TRAPPC14: variants seen among roughly 807,000 people sequenced by gnomAD.
The protein encoded by TRAPPC14 is trafficking protein particle complex subunit 14.
In TRAPPC14, 24 loss-of-function variants were observed where a neutral mutation model predicts 56.6. The observed-to-expected ratio is 0.42, with a 90% CI of 0.31 to 0.60. TRAPPC14 has a LOEUF of 0.60. Among genes scored for constraint, TRAPPC14 ranks in the 20% least tolerant of loss-of-function variants. The probability of loss-of-function intolerance (pLI) is 0.14; values close to 1 mark genes in which losing one functional copy is unlikely to be tolerated. For missense variants in TRAPPC14, 615 were observed against 790.3 expected (o/e 0.78, Z 2.66); for synonymous variants, 377 against 347.0 (o/e 1.09, Z -0.96).
chr7:100,157,737 T>A lies in TRAPPC14; in HGVS notation c.533A>T (p.Glu178Val). The stretch of plus-strand genomic sequence containing the variant: ...ATCTCTGACCTCTGGTGCCTCAATC[T>A]CCCGCTTCCACACAGTCACTACAAT... ...AKIVVTVWKR[E>V]IEAPEVRDQG... Residue 178 changes from glutamate (E) to valine (V), a missense_variant, in exon 3 of 11, where the codon GAG becomes GTG. By Grantham distance (121) the Glu-to-Val change is moderately radical. Transcript: ENST00000316937. 1 of 1,614,098 alleles carries A rather than the reference T, an allele frequency of 6.2e-7. No homozygotes were observed. The highest frequency in any genetic ancestry group is 8.5e-7 in the Non-Finnish European group (1 of 1,180,016).
At position 100,155,120 on chromosome 7, in the gene TRAPPC14, G is replaced by A; in HGVS notation, c.1634C>T (p.Ala545Val). The A allele has an allele frequency of 6.2e-7, 1 of 1,613,634 alleles. No homozygotes were observed. The highest frequency in any genetic ancestry group is 8.5e-7 in the Non-Finnish European group (1 of 1,179,730). The change falls in exon 11 of 11, where the codon GCC becomes GTC. Residue 545 changes from alanine to valine, a missense_variant. Transcript: ENST00000316937. ...GTAGAGGGGGCGGCCAACAGGAGAGGCCACAGGGGGCGTGATGGCTCTGCG... is the reference window on the plus strand; with the variant it reads ...GTAGAGGGGGCGGCCAACAGGAGAGACCACAGGGGGCGTGATGGCTCTGCG... The part of the protein sequence containing the change: ...MERRAITPPV[A>V]SPVGRPLYLP...
chr7:100,156,829 AG>A lies in TRAPPC14; in HGVS notation c.993+15del, dbSNP rs1798890669. 2 of 1,613,672 alleles carry A rather than the reference AG, an allele frequency of 1.2e-6. No individual in the cohort carries two copies. Among genetic ancestry groups the A allele is most frequent in the African/African-American group, 2.7e-5 (2 of 74,982 alleles). ...CTTATCACTTTTCTTTGAACACACC[AG>A]CCCCTTATGCTCACCTCCTTGGCCC... On this transcript the variant is annotated intron_variant, in intron 6 of 10. Transcript: ENST00000316937.
At chr7:100,157,800 G>A (rs925335777) in intron 2 of TRAPPC14, 38 bp from the exon 3 acceptor site, 1 of 1,614,018 alleles carries the variant, frequency 6.2e-7, no homozygotes, top group African/African-American at 1.3e-5. Flanking sequence ...GCCCGGAAAA[G>A]GTGTCTGAAT....
Position 100,157,658 on chromosome 7 carries a change from G to A in TRAPPC14, c.612C>T (p.Gly204=). 6.2e-7 allele frequency: 1 copy of A among 1,614,192 alleles called. No homozygotes were observed. Among genetic ancestry groups the A allele is most frequent in the Non-Finnish European group, 8.5e-7 (1 of 1,180,036 alleles). Residue 204 remains glycine, a synonymous_variant, in exon 3 of 11, where the codon GGC becomes GGT. Coordinates refer to ENST00000316937, the MANE Select transcript of TRAPPC14 (RefSeq NM_018275.5). The part of the protein sequence containing the change: ...QTRSPGETFR[G]EQSAFKAQVS... Reference sequence around the variant, plus strand: ...CTTGGGCCTTGAAAGCGCTCTGCTCGCCCCGGAATGTCTCCCCAGGAGATC... The same window carrying A: ...CTTGGGCCTTGAAAGCGCTCTGCTCACCCCGGAATGTCTCCCCAGGAGATC...
At position 100,156,039 on chromosome 7, in the gene TRAPPC14, C is replaced by T. The variant is rs965169107; in HGVS notation, c.1241-214G>A. On this transcript the variant is annotated intron_variant, in intron 8 of 10. Coordinates refer to ENST00000316937, the MANE Select transcript of TRAPPC14 (RefSeq NM_018275.5). ...CTCAGTATCTGCATGACAGCCCCAT[C>T]AGATATGAGTTGCTCTATTTTAAAG... 3 of 733,702 alleles carry T rather than the reference C, an allele frequency of 4.1e-6. No individual in the cohort carries two copies. The African/African-American group carries it at 5.1e-5, about 13-fold the overall frequency. The allele number at this position is 733,702 out of a possible 1,614,324, so 45.4% of individuals were successfully genotyped here. A position where few individuals can be genotyped will look rare whatever the true frequency, so the allele number is the denominator to read the frequency against.
chr7:100,158,543 G>T lies in TRAPPC14; in HGVS notation c.-44C>A. On this transcript the variant is annotated 5_prime_UTR_variant, in exon 1 of 11. Coordinates refer to ENST00000316937, the MANE Select transcript of TRAPPC14 (RefSeq NM_018275.5). ...CGACTGGGAGCCCGGACCGGAGGCC[G>T]ACCGCCGGCGGGGCCCGCTAGGGTG... The T allele has an allele frequency of 7.7e-7, 1 of 1,302,088 alleles. No homozygotes were observed. The highest frequency in any genetic ancestry group is 2.3e-5 in the South Asian group (1 of 43,850). The allele number at this position is 1,302,088 out of a possible 1,614,324, so 80.7% of individuals were successfully genotyped here.
At chr7:100,156,242 ACAGGGCGGAAGC>A in intron 8 of TRAPPC14, 132 bp downstream of exon 8, 1 of 745,078 alleles carries the variant, frequency 1.3e-6, no homozygotes, top group Non-Finnish European at 2.2e-6. Context: ...CCACCCAGGT[ACAGGGCGGAAGC>A]CACCTGCCAC....
In TRAPPC14 at chr7:100,155,027, A is replaced by G. The variant is rs1798845955; in HGVS notation, c.1727T>C (p.Val576Ala). 1 of 1,614,030 alleles carries G rather than the reference A, an allele frequency of 6.2e-7. No individual in the cohort carries two copies. The highest frequency in any genetic ancestry group is 8.5e-7 in the Non-Finnish European group (1 of 1,179,986). The change falls in exon 11 of 11, where the codon GTG (valine) becomes GCG (alanine). Residue 576 changes from valine (V) to alanine (A), a missense_variant. Physicochemically the swap from Val to Ala is moderately conservative, Grantham distance 64 (BLOSUM62 0). Transcript: ENST00000316937. ...IAKRECKVLV[V>A]EPVK ...GGCACGGTGCTACTTGACGGGTTCC[A>G]CCACCAGGACCTTGCACTCGCGCTT...
At chr7:100,157,820 A>G (rs1341231424) in intron 2 of TRAPPC14, 23 bp downstream of exon 2, 1 of 1,612,802 alleles carries the variant, frequency 6.2e-7, no homozygotes, top group South Asian at 1.1e-5. Context: ...TTAGGACAAT[A>G]GCTCCACTCT....
At position 100,156,473 on chromosome 7, in the gene TRAPPC14, G is replaced by A. The variant is rs145617676; in HGVS notation, c.1153C>T (p.Arg385Cys). Residue 385 changes from arginine (R) to cysteine (C), a missense_variant, in exon 8 of 11, where the codon CGT (arginine) becomes TGT (cysteine). Transcript: ENST00000316937. ...AGCAGCGTGTAGGTGACAGTGAAAC[G>A]CTCGTAGGTCCGAACAGGGGACTTA... is the stretch of plus-strand genomic sequence containing the variant. ...SCKSPVRTYERFTVTYTLLNN... is the reference protein window; with the variant it reads ...SCKSPVRTYECFTVTYTLLNN... 4.3e-6 allele frequency: 7 copies of A among 1,613,992 alleles called. 1 individual carries two copies. The highest frequency in any genetic ancestry group is 1.7e-5 in the Admixed American group (1 of 59,996).
Position 100,157,360 on chromosome 7 carries a change from C to A in TRAPPC14, c.724+13G>T. The stretch of plus-strand genomic sequence containing the variant: ...TGTTGCTCCCGGAGGCTGGAGCCGG[C>A]AGCCCTGCTTACCCTTGAGCACGGT... On this transcript the variant is annotated intron_variant, in intron 4 of 10. Transcript: ENST00000316937. The A allele has an allele frequency of 6.2e-7, 1 of 1,613,750 alleles. No homozygotes were observed. The highest frequency in any genetic ancestry group is 1.3e-5 in the African/African-American group (1 of 75,060).
Position 100,157,231 on chromosome 7 carries a change from G to C in TRAPPC14, c.725-17C>G. 2.5e-6 allele frequency: 4 copies of C among 1,614,112 alleles called. No individual in the cohort carries two copies. The highest frequency in any genetic ancestry group is 3.4e-6 in the Non-Finnish European group (4 of 1,180,018). ...TGTTCAGCACTGTGGGAGAGGACCA[G>C]CTTGGCTCAGAATAGCTGGACCCCT... On this transcript the variant is annotated splice_polypyrimidine_tract_variant and intron_variant, in intron 4 of 10. Coordinates refer to ENST00000316937, the MANE Select transcript of TRAPPC14 (RefSeq NM_018275.5).
rs999158566 is a variant in TRAPPC14, at chr7:100,158,356, C to G, written c.144G>C (p.Leu48=). ...CCGCACCGCCCCGGCAGCGCAACAC[C>G]AGCAGAAAACGGACAGTCTCCCCCA... ...LYLGETVRFL[L]VLRCRGGAGS... Residue 48 remains leucine (L), a synonymous_variant, in exon 1 of 11, where the codon CTG becomes CTC. Transcript: ENST00000316937. 3.4e-6 allele frequency: 5 copies of G among 1,487,820 alleles called. No individual in the cohort carries two copies. The highest frequency in any genetic ancestry group is 4.5e-6 in the Non-Finnish European group (5 of 1,122,146). 92.2% of individuals were successfully genotyped at this position (1,487,820 alleles called of 1,614,324 possible).
rs1486790355 is a variant in TRAPPC14, at chr7:100,155,820, G to C, written c.1246C>G (p.Gln416Glu). ...GCCCGGCGCTCCTCCTCACACAGCT[G>C]CTTTCCTGGGGGCAGAAACAGGGAC... ...WTPEHAQAGK[Q>E]LCEEERRAMQ... is the part of the protein sequence containing the mutation. Residue 416 changes from glutamine to glutamate, a missense_variant, in exon 9 of 11, where the codon CAG becomes GAG. By Grantham distance (29) the Gln-to-Glu change is conservative (BLOSUM62 2). Coordinates refer to ENST00000316937, the MANE Select transcript of TRAPPC14 (RefSeq NM_018275.5). 10 of 1,614,088 alleles carry C rather than the reference G, an allele frequency of 6.2e-6. No homozygotes were observed. Among genetic ancestry groups the C allele is most frequent in the African/African-American group, 1.3e-5 (1 of 74,930 alleles).
In TRAPPC14 at chr7:100,156,855, C is replaced by T. The variant is rs187646617; in HGVS notation, c.983G>A (p.Gly328Glu). 4 of 1,614,060 alleles carry T rather than the reference C, an allele frequency of 2.5e-6. No homozygotes were observed. Among genetic ancestry groups the T allele is most frequent in the Admixed American group, 1.7e-5 (1 of 60,010 alleles). ...QLRGGEQPPP[G>E]AKEGLEVPLI... ...GCCCCTTATGCTCACCTCCTTGGCC[C>T]CTGGAGGGGGCTGCTCACCCCCTCT... Residue 328 changes from glycine to glutamate, a missense_variant, in exon 6 of 11, where the codon GGG (glycine) becomes GAG (glutamate). Transcript: ENST00000316937.
chr7:100,157,323 A>C (rs1435634333), intron 4 of TRAPPC14, 50 bp downstream of exon 4: 2 of 1,613,158 alleles, frequency 1.2e-6, no homozygotes, highest in Non-Finnish European at 1.7e-6. Flanking sequence ...AACTGCATCC[A>C]ATCAGTTCCC....
Position 100,154,787 on chromosome 7 carries a change from C to A in TRAPPC14, c.*224G>T, listed in dbSNP as rs555937939. On this transcript the variant is annotated 3_prime_UTR_variant, in exon 11 of 11. Transcript: ENST00000316937. ...TGGCCTAGGGGTGGGGCCAGCCCCC[C>A]CCACAGGAACTCGGGGAATACTGGT... The A allele has an allele frequency of 5.4e-5, 32 of 591,500 alleles. No homozygotes were observed. In the Middle Eastern group the frequency reaches 2.2e-3, roughly 41 times the overall value. The allele number at this position is 591,500 out of a possible 1,614,324, so 36.6% of individuals were successfully genotyped here.
In TRAPPC14 at chr7:100,158,382, A is replaced by G; in HGVS notation, c.118T>C (p.Leu40=). ...RALPRRNHLY[L]GETVRFLLVL... The stretch of plus-strand genomic sequence containing the variant: ...AGCAGAAAACGGACAGTCTCCCCCA[A>G]GTACAGATGGTTGCGCCGGGGCAGC... The change falls in exon 1 of 11, where the codon TTG becomes CTG. Residue 40 remains leucine (L), a synonymous_variant. Transcript: ENST00000316937. The G allele has an allele frequency of 2.0e-6, 3 of 1,478,740 alleles. No homozygotes were observed. Among genetic ancestry groups the G allele is most frequent in the Non-Finnish European group, 2.7e-6 (3 of 1,116,278 alleles). The allele number at this position is 1,478,740 out of a possible 1,614,324, so 91.6% of individuals were successfully genotyped here.
chr7:100,155,311 G>C lies in TRAPPC14; in HGVS notation c.1540C>G (p.Arg514Gly). 6.4e-7 allele frequency: 1 copy of C among 1,556,060 alleles called. No homozygotes were observed. Among genetic ancestry groups the C allele is most frequent in the Non-Finnish European group, 8.7e-7 (1 of 1,150,436 alleles). The stretch of plus-strand genomic sequence containing the variant: ...TGCTGGTGGGAGAAGGACTGGGAGC[G>C]GCCCAGGCTAGCCTGATGCCTCTCC... ...LVERHQASLG[R>G]SQSFSHQQPS... The change falls in exon 10 of 11, where the codon CGC becomes GGC. Residue 514 changes from arginine to glycine, a missense_variant. By Grantham distance (125) the Arg-to-Gly change is moderately radical. Transcript: ENST00000316937.
Sources: allele counts gnomAD v4.1 joint callset, GRCh38; gene constraint gnomAD v4.1.1; transcripts MANE v1.5; gene names NCBI Gene and HGNC (gene_info 2026-07-23, HGNC 2026-07-21).